The following NETO1 variants were observed in gnomAD, a reference collection of about 807,000 sequenced individuals.
NETO1 encodes neuropilin and tolloid-like protein 1.
A neutral mutation model predicts 61.3 loss-of-function variants in NETO1; 26 were observed. The observed-to-expected ratio is 0.42, with a 90% confidence interval of 0.31 to 0.59. NETO1 has a LOEUF of 0.59. Ranked by LOEUF, NETO1 falls within the 20% of genes least tolerant of loss-of-function variation. The pLI is 0.12. For missense variants in NETO1, 531 were observed against 662.8 expected (o/e 0.80, Z 2.18); for synonymous variants, 225 against 225.8 (o/e 1.00, Z 0.03).
intron 4 of NETO1, among the ~76,000 whole-genome samples, chr18:72,821,177 C>T (rs1475234994): frequency 2.1e-5 from 3 of 145,520 alleles, no homozygotes; most frequent in Admixed American, 7.0e-5. Flanking sequence ...TCCTTAGCCC[C>T]GTTTTCTGTC....
intron 8 of NETO1, chr18:72,751,856 T>C (rs1332072163): frequency 6.6e-6 from 1 of 152,196 alleles, no homozygotes; most frequent in East Asian, 1.9e-4. Flanking sequence ...GTTAGTTTAT[T>C]TGAAATGGTG....
chr18:72,802,382 T>C (rs2072536453), intron 4 of NETO1, among the ~76,000 whole-genome samples: 1 of 152,172 alleles, frequency 6.6e-6, no homozygotes, highest in Admixed American at 6.5e-5. Flanking sequence ...CACTGCCACT[T>C]TCCCATCACA....
chr18:72,845,829 G>A (rs1255813664), intron 4 of NETO1, among the ~76,000 whole-genome samples: 7 of 152,174 alleles, frequency 4.6e-5, no homozygotes, highest in Non-Finnish European at 1.0e-4. Flanking sequence ...TAATCATATT[G>A]TCTTAAATTA....
In NETO1 at chr18:72,858,941, A is replaced by AG; in HGVS notation, c.353_354insC (p.Gly119TrpfsTer18). 6.2e-7 allele frequency: 1 copy of AG among 1,613,952 alleles called. No individual in the cohort carries two copies. On this transcript the variant is annotated frameshift_variant, in exon 4 of 11. Coordinates refer to ENST00000327305, the MANE Select transcript of NETO1 (RefSeq NM_138966.5). LOFTEE classifies it high-confidence loss of function. ...TTATGACAGGTGGATTTTGTTGTCCACAGAAACGTCCAATTATTGGAGAAA... is the reference window on the plus strand; with the variant it reads ...TTATGACAGGTGGATTTTGTTGTCCAGCAGAAACGTCCAATTATTGGAGAAA...
intron 4 of NETO1, among the ~76,000 whole-genome samples, chr18:72,817,096 A>T (rs984532749): frequency 6.6e-6 from 1 of 152,178 alleles, no homozygotes; most frequent in Non-Finnish European, 1.5e-5. Flanking sequence ...CAAGAGGCAG[A>T]GTTTATTCCT....
intron 4 of NETO1, among the ~76,000 whole-genome samples, chr18:72,844,987 A>G (rs1178217899): frequency 6.6e-6 from 1 of 152,166 alleles, no homozygotes; most frequent in Admixed American, 6.5e-5. Flanking sequence ...CTCCAGGTGC[A>G]CCCCACATTA....
chr18:72,814,617 C>G (rs1408425816), intron 4 of NETO1, among the ~76,000 whole-genome samples: 4 of 151,994 alleles, frequency 2.6e-5, no homozygotes, highest in Non-Finnish European at 5.9e-5. Flanking sequence ...TAATGTGTTG[C>G]TCCTAAGAAA....
intron 6 of NETO1, among the ~76,000 whole-genome samples, chr18:72,793,119 C>A (rs2072184669): frequency 1.3e-5 from 2 of 152,258 alleles, no homozygotes; most frequent in Non-Finnish European, 1.5e-5. Flanking sequence ...CAGGGCCTGG[C>A]CTGCTTTTTC....
At chr18:72,768,636 G>C (rs990865255) in intron 7 of NETO1, among the ~76,000 whole-genome samples, 1 of 152,164 alleles carries the variant, frequency 6.6e-6, no homozygotes, top group Non-Finnish European at 1.5e-5. Context: ...GCAATAACAA[G>C]TAAAGAGAGA....
intron 4 of NETO1, among the ~76,000 whole-genome samples, chr18:72,800,501 G>A (rs1034182796): frequency 3.3e-5 from 5 of 152,096 alleles, no homozygotes; most frequent in African/African-American, 7.2e-5. Flanking sequence ...AGATGAGACC[G>A]TCTAGTTGCA....
chr18:72,796,144 G>A (rs1366389636), intron 4 of NETO1, among the ~76,000 whole-genome samples: 1 of 152,196 alleles, frequency 6.6e-6, no homozygotes, highest in Non-Finnish European at 1.5e-5. Flanking sequence ...TTCTGGAAGA[G>A]ATTAGTTTAG....
At chr18:72,809,876 C>T (rs2072806490) in intron 4 of NETO1, among the ~76,000 whole-genome samples, 1 of 152,216 alleles carries the variant, frequency 6.6e-6, no homozygotes, top group African/African-American at 2.4e-5. Flanking sequence ...ATACTTGCTA[C>T]ATGCCAAGAT....
intron 7 of NETO1, among the ~76,000 whole-genome samples, chr18:72,764,542 C>T (rs2071087598): frequency 6.6e-6 from 1 of 152,112 alleles, no homozygotes; most frequent in Admixed American, 6.5e-5. Flanking sequence ...CTTATTTCCT[C>T]TGTCCTCTCT....
intron 4 of NETO1, chr18:72,835,142 G>T: frequency 1.6e-6 from 2 of 1,250,414 alleles, no homozygotes; most frequent in Non-Finnish European, 1.0e-6. Flanking sequence ...TCTCCAGAAA[G>T]ATTGAGCAAA....
chr18:72,856,798 C>T (rs1348232498), intron 4 of NETO1, among the ~76,000 whole-genome samples: 1 of 152,194 alleles, frequency 6.6e-6, no homozygotes, highest in Non-Finnish European at 1.5e-5. Context: ...TCTCGTAACG[C>T]TTCATAACAT....
At chr18:72,835,310 G>T in intron 4 of NETO1, 1 of 1,596,562 alleles carries the variant, frequency 6.3e-7, no homozygotes, top group East Asian at 2.2e-5. Flanking sequence ...TAAGGAGTTT[G>T]CCTTTTATTC....
chr18:72,840,176 T>C (rs551219748), intron 4 of NETO1, among the ~76,000 whole-genome samples: 1 of 152,328 alleles, frequency 6.6e-6, no homozygotes, highest in Admixed American at 6.5e-5. Context: ...CAGTAAGGAT[T>C]GGTTGACAGG....
chr18:72,796,058 T>C (rs748023159), intron 4 of NETO1, among the ~76,000 whole-genome samples: 1 of 152,200 alleles, frequency 6.6e-6, no homozygotes, highest in African/African-American at 2.4e-5. Context: ...TAAGTTACAA[T>C]CTTTTAAAGT....
intron 7 of NETO1, among the ~76,000 whole-genome samples, chr18:72,762,522 C>CA (rs1285050518): frequency 6.6e-6 from 1 of 151,878 alleles, no homozygotes; most frequent in African/African-American, 2.4e-5. Flanking sequence ...TAAAAACACA[C>CA]AAAAAAGTTT....
Sources: allele counts gnomAD v4.1 joint callset (sites outside exome capture counted in the v4.1 genomes callset), GRCh38; gene constraint gnomAD v4.1.1; transcripts MANE v1.5; gene names NCBI Gene and HGNC (gene_info 2026-07-23, HGNC 2026-07-21).